The following UBTD2 variants were observed in gnomAD, a reference collection of about 807,000 sequenced individuals.
UBTD2 encodes the protein ubiquitin domain-containing protein 2.
A neutral mutation model predicts 19.8 loss-of-function variants in UBTD2; 9 were observed. The ratio of observed to expected loss-of-function variants is 0.46; its 90% CI spans 0.27 to 0.79. UBTD2 has a LOEUF of 0.79. Among genes scored for constraint, UBTD2 ranks in the 30% least tolerant of loss-of-function variants. The probability of loss-of-function intolerance (pLI) is 0.14; values close to 1 mark genes in which losing one functional copy is unlikely to be tolerated. For synonymous variants in UBTD2, 98 were observed against 103.9 expected, an observed-to-expected ratio of 0.94 and a Z score of 0.35; for missense variants, 250 against 300.4, an observed-to-expected ratio of 0.83 and a Z score of 1.24.
chr5:172,261,537 C>T (rs1755269687), intron 1 of UBTD2, among the ~76,000 whole-genome samples: 1 of 151,974 alleles, frequency 6.6e-6, no homozygotes, highest in African/African-American at 2.4e-5. Flanking sequence ...TAAAGGGGCA[C>T]AAGGAAAGAT....
At chr5:172,250,948 A>G in intron 1 of UBTD2, among the ~76,000 whole-genome samples, 1 of 148,610 alleles carries the variant, frequency 6.7e-6, no homozygotes, top group African/African-American at 2.5e-5. Flanking sequence ...AAAAAAAAAA[A>G]AAAAAAAAAA....
Position 172,211,806 on chromosome 5 carries a change from G to C in UBTD2, c.*24C>G. 6.4e-7 allele frequency: 1 copy of C among 1,564,064 alleles called. No individual in the cohort carries two copies. Among genetic ancestry groups the C allele is most frequent in the African/African-American group, 1.4e-5 (1 of 73,398 alleles). On this transcript the variant is annotated 3_prime_UTR_variant, in exon 3 of 3. Transcript: ENST00000393792. Reference sequence around the variant, plus strand: ...ACCATAAAAAGGAGCAGAGGGATGTGGGAGCTGGCCAACAGGGCTCAGTTC... The same window carrying C: ...ACCATAAAAAGGAGCAGAGGGATGTCGGAGCTGGCCAACAGGGCTCAGTTC...
At chr5:172,274,164 G>A (rs939421868) in intron 1 of UBTD2, among the ~76,000 whole-genome samples, 5 of 140,110 alleles carry the variant, frequency 3.6e-5, no homozygotes, top group African/African-American at 5.4e-5. Context: ...TTTTTGAGAC[G>A]GAGCCTCGCT....
rs114178765 is a variant in UBTD2, at chr5:172,282,884, G to A, written c.70+712C>T. 3.2e-3 allele frequency among the ~76,000 whole-genome samples: 491 copies of A among 152,264 alleles called. 1 individual carries two copies. The highest frequency in any genetic ancestry group is 0.011 in the African/African-American group (469 of 41,542). On this transcript the variant is annotated intron_variant, in intron 1 of 2. Transcript: ENST00000393792. ...GGTAAGTCAGGGTCCAACTGCACTT[G>A]TACTTTTATCCTACATATTTTCCTT...
At chr5:172,261,120 C>T (rs758985398) in intron 1 of UBTD2, among the ~76,000 whole-genome samples, 3 of 152,140 alleles carry the variant, frequency 2.0e-5, no homozygotes, top group African/African-American at 4.8e-5. Flanking sequence ...CTGTAGGTTC[C>T]CCCTCCCCCG....
rs1019557976 is a variant in UBTD2 at position 172,255,000 on chromosome 5, G to A, written c.71-20642C>T. The A allele has an allele frequency of 1.1e-5, 6 of 560,100 alleles. No homozygotes were observed. In the African/African-American group the frequency reaches 1.1e-4, roughly 11 times the overall value. 34.7% of individuals were successfully genotyped at this position (560,100 alleles called of 1,614,324 possible). On this transcript the variant is annotated intron_variant, in intron 1 of 2. Coordinates refer to ENST00000393792, the MANE Select transcript of UBTD2 (RefSeq NM_152277.3). Reference sequence around the variant, plus strand: ...GGGATGGGCTGCACCACCACCGGCTGGATGACCAGCAAGATCCCCAGGCTC... The same window carrying A: ...GGGATGGGCTGCACCACCACCGGCTAGATGACCAGCAAGATCCCCAGGCTC...
upstream of UBTD2, chr5:172,283,781 T>C: frequency 3.0e-6 from 2 of 660,444 alleles, no homozygotes; most frequent in East Asian, 8.9e-5. This position sits in a 1 kb window ranked among gnomAD's most constrained non-coding sequence, Gnocchi z 4.3. Context: ...GCCGCTCCGC[T>C]CGCCCGCCGC....
chr5:172,252,187 TGTTTAACATG>T, intron 1 of UBTD2: 1 of 152,340 alleles, frequency 6.6e-6, no homozygotes, highest in Admixed American at 6.5e-5. Flanking sequence ...CTTGAATAAA[TGTTTAACATG>T]GATTTGGATT....
At chr5:172,236,026 C>T (rs1772001165) in intron 1 of UBTD2, among the ~76,000 whole-genome samples, 1 of 152,160 alleles carries the variant, frequency 6.6e-6, no homozygotes, top group South Asian at 2.1e-4. Context: ...CCCTCATTGG[C>T]CCAGGGCCAG....
At position 172,254,331 on chromosome 5, in the gene UBTD2, C is replaced by G. The variant is rs570470979; in HGVS notation, c.71-19973G>C. 3 of 211,892 alleles carry G rather than the reference C, an allele frequency of 1.4e-5. No individual in the cohort carries two copies. In the South Asian group the frequency reaches 2.9e-4, roughly 20 times the overall value. The allele number at this position is 211,892 out of a possible 1,614,324, so 13.1% of individuals were successfully genotyped here. ...GTCAGGCTGGTCTCGAACTCCTGACCTCTGATCCGCCAGCCTCGGCCTCCC... is the reference window on the plus strand; with the variant it reads ...GTCAGGCTGGTCTCGAACTCCTGACGTCTGATCCGCCAGCCTCGGCCTCCC... On this transcript the variant is annotated intron_variant, in intron 1 of 2. Transcript: ENST00000393792.
At chr5:172,261,756 C>A (rs1030931757) in intron 1 of UBTD2, among the ~76,000 whole-genome samples, 11 of 152,078 alleles carry the variant, frequency 7.2e-5, no homozygotes, top group Non-Finnish European at 1.6e-4. Context: ...TCCTTAGTAG[C>A]TGGGATTACA....
intron 1 of UBTD2, among the ~76,000 whole-genome samples, chr5:172,273,288 T>C (rs1410160440): frequency 1.6e-5 from 2 of 125,400 alleles, no homozygotes; most frequent in African/African-American, 5.9e-5. Flanking sequence ...CACTGCAAGA[T>C]TCTTTTTAAA....
chr5:172,258,158 CTTGAG>C (rs1473993464), intron 1 of UBTD2, among the ~76,000 whole-genome samples: 2 of 152,140 alleles, frequency 1.3e-5, no homozygotes, highest in Non-Finnish European at 2.9e-5. Context: ...TTCAATCCAT[CTTGAG>C]TTGACTTTTG....
At chr5:172,257,834 T>C (rs775176404) in intron 1 of UBTD2, among the ~76,000 whole-genome samples, 1 of 152,258 alleles carries the variant, frequency 6.6e-6, no homozygotes, top group Non-Finnish European at 1.5e-5. Context: ...TGTCTGTTCA[T>C]GTCCTTTGCC....
At chr5:172,220,350 A>C (rs894541348) in intron 2 of UBTD2, among the ~76,000 whole-genome samples, 1 of 152,242 alleles carries the variant, frequency 6.6e-6, no homozygotes, top group African/African-American at 2.4e-5. Flanking sequence ...AAAAAGCTAT[A>C]GCTGGCCGGG....
chr5:172,270,762 A>G (rs1055816886), intron 1 of UBTD2, among the ~76,000 whole-genome samples: 1 of 152,216 alleles, frequency 6.6e-6, no homozygotes, highest in Non-Finnish European at 1.5e-5. Context: ...TCCAACCTGT[A>G]GCATTAAAAT....
At chr5:172,227,695 CTTTTTTTTTTT>C (rs1164255222) in intron 2 of UBTD2, among the ~76,000 whole-genome samples, 19 of 72,164 alleles carry the variant, frequency 2.6e-4, no homozygotes, top group Admixed American at 3.6e-4. Flanking sequence ...ATGAAAAATT[CTTTTTTTTTTT>C]TTTTTTTTTT....
intron 2 of UBTD2, among the ~76,000 whole-genome samples, chr5:172,217,140 G>C (rs1031434775): frequency 2.0e-5 from 3 of 151,898 alleles, no homozygotes; most frequent in Non-Finnish European, 4.4e-5. Context: ...GGCAGGGCGT[G>C]GTGGCTTATG....
intron 2 of UBTD2, among the ~76,000 whole-genome samples, chr5:172,226,228 C>T (rs919935976): frequency 6.6e-6 from 1 of 152,072 alleles, no homozygotes; most frequent in African/African-American, 2.4e-5. Context: ...AGAATGAATG[C>T]AAAGGAATGA....
Sources: allele counts gnomAD v4.1 joint callset (sites outside exome capture counted in the v4.1 genomes callset), GRCh38; gene constraint gnomAD v4.1.1; non-coding constraint Gnocchi (gnomAD v3.1); transcripts MANE v1.5; gene names NCBI Gene and HGNC (gene_info 2026-07-23, HGNC 2026-07-21).